GRIP1: variants seen among roughly 807,000 people sequenced by gnomAD.
GRIP1 encodes the protein glutamate receptor interacting protein 1.
In GRIP1, 45 loss-of-function variants were observed where a neutral mutation model predicts 129.9. The observed-to-expected ratio is 0.35, with a 90% CI of 0.27 to 0.44. GRIP1 has a LOEUF of 0.44. GRIP1 is among the 20% of genes least tolerant of loss of function. The pLI is 1.00. For missense variants in GRIP1, 1,196 were observed against 1,396.8 expected, an observed-to-expected ratio of 0.86 and a Z score of 2.29; for synonymous variants, 530 against 520.8, an observed-to-expected ratio of 1.02 and a Z score of -0.24.
chr12:67,060,113 G>A (rs748208448), intron 1 of GRIP1, among the ~76,000 whole-genome samples: 9 of 151,732 alleles, frequency 5.9e-5, no homozygotes, highest in South Asian at 2.1e-4. Flanking sequence ...ACCTAATACC[G>A]CCACCACTTT....
At chr12:66,839,075 C>T (rs921131928) in intron 1 of GRIP1, among the ~76,000 whole-genome samples, 4 of 151,876 alleles carry the variant, frequency 2.6e-5, no homozygotes, top group South Asian at 2.1e-4. Flanking sequence ...ATTATCATAG[C>T]GACTATAGCT....
chr12:66,648,626 G>C lies in GRIP1; in HGVS notation c.55+30224C>G, dbSNP rs563060692. Among the ~76,000 whole-genome samples, 4 of 152,316 alleles carry C rather than the reference G, an allele frequency of 2.6e-5. No homozygotes were observed. The South Asian group carries it at 8.3e-4, about 32-fold the overall frequency. On this transcript the variant is annotated intron_variant, in intron 1 of 24. Transcript: ENST00000359742. ...CAACAAAATAGGCAAATACAGTAAT[G>C]TATTCGAGTCACCAATTTAATCAGA...
At chr12:66,427,765 G>A (rs572654373) in intron 14 of GRIP1, among the ~76,000 whole-genome samples, 3 of 152,172 alleles carry the variant, frequency 2.0e-5, no homozygotes, top group African/African-American at 4.8e-5. Context: ...AGAGAGTCAC[G>A]CCTAAAGGCC....
intron 1 of GRIP1, among the ~76,000 whole-genome samples, chr12:67,035,879 C>T (rs2043087084): frequency 6.6e-6 from 1 of 152,072 alleles, no homozygotes; most frequent in South Asian, 2.1e-4. Context: ...TAGTGCTGTA[C>T]CTCCTTCCCA....
intron 11 of GRIP1, among the ~76,000 whole-genome samples, chr12:66,447,292 T>G (rs2058656919): frequency 6.6e-6 from 1 of 152,198 alleles, no homozygotes; most frequent in South Asian, 2.1e-4. Flanking sequence ...TACTTTATCC[T>G]CTATGGTAAT....
At chr12:66,663,323 G>GT (rs1235821415) in intron 1 of GRIP1, among the ~76,000 whole-genome samples, 1 of 152,266 alleles carries the variant, frequency 6.6e-6, no homozygotes, top group African/African-American at 2.4e-5. Flanking sequence ...ATGGGGGGAA[G>GT]GTACATTGTG....
chr12:66,759,186 CTCAAATTTTGACT>C (rs1047373245), intron 1 of GRIP1, among the ~76,000 whole-genome samples: 1 of 152,196 alleles, frequency 6.6e-6, no homozygotes, highest in African/African-American at 2.4e-5. Context: ...GTTCCCAAAA[CTCAAATTTTGACT>C]TCTGTGCACC....
At chr12:66,965,916 A>G (rs1340096045) in intron 1 of GRIP1, among the ~76,000 whole-genome samples, 1 of 152,180 alleles carries the variant, frequency 6.6e-6, no homozygotes, top group Non-Finnish European at 1.5e-5. Context: ...GTCTGCTTTC[A>G]AAGTAATGCC....
At chr12:66,588,367 C>G (rs957622899) in intron 2 of GRIP1, among the ~76,000 whole-genome samples, 2 of 152,024 alleles carry the variant, frequency 1.3e-5, no homozygotes, top group African/African-American at 4.8e-5. Context: ...ACTCATTAAC[C>G]CCCCTCTAAT....
chr12:66,515,705 C>A lies in GRIP1; in HGVS notation c.638G>T (p.Gly213Val). ...LLSVDGIRLL[G>V]TTHAEAMSIL... ...ACTCATGGCTTCAGCATGCGTAGTT[C>A]CAAGAAGCCGAATTCCATCCACACT... is the stretch of plus-strand genomic sequence containing the variant. The change falls in exon 7 of 25, where the codon GGA becomes GTA. Residue 213 changes from glycine to valine, a missense_variant. This residue lies in a region of GRIP1 where 508 missense variants were observed against 587.0 expected (regional missense o/e 0.87). Transcript: ENST00000359742. 1.9e-6 allele frequency: 3 copies of A among 1,613,510 alleles called. No individual in the cohort carries two copies. The highest frequency in any genetic ancestry group is 2.5e-6 in the Non-Finnish European group (3 of 1,179,464).
At chr12:66,588,246 T>C (rs1380684195) in intron 2 of GRIP1, among the ~76,000 whole-genome samples, 4 of 152,170 alleles carry the variant, frequency 2.6e-5, no homozygotes. Flanking sequence ...CATAAGTGTA[T>C]GGAACGAACT....
intron 1 of GRIP1, among the ~76,000 whole-genome samples, chr12:66,941,199 A>G (rs1264072695): frequency 6.6e-6 from 1 of 152,066 alleles, no homozygotes; most frequent in Non-Finnish European, 1.5e-5. Flanking sequence ...GTGGTTTAAG[A>G]GGCCCTGAGA....
chr12:66,952,584 A>ATCATT (rs1292191637), intron 1 of GRIP1, among the ~76,000 whole-genome samples: 1 of 152,192 alleles, frequency 6.6e-6, no homozygotes, highest in Non-Finnish European at 1.5e-5. Flanking sequence ...CTCCTTATTG[A>ATCATT]TCATATCACC....
At chr12:66,996,816 T>C (rs1182966901) in intron 1 of GRIP1, among the ~76,000 whole-genome samples, 1 of 152,156 alleles carries the variant, frequency 6.6e-6, no homozygotes, top group African/African-American at 2.4e-5. Flanking sequence ...ATCTACCTAC[T>C]GAAAGAAGTT....
chr12:66,893,182 CT>C (rs996369449), intron 1 of GRIP1, among the ~76,000 whole-genome samples: 3 of 150,828 alleles, frequency 2.0e-5, no homozygotes, highest in East Asian at 1.9e-4. Flanking sequence ...TTGGAATTGG[CT>C]TTTTTTTTCA....
At chr12:66,853,746 C>T (rs1468003138) in intron 1 of GRIP1, among the ~76,000 whole-genome samples, 1 of 152,052 alleles carries the variant, frequency 6.6e-6, no homozygotes. Flanking sequence ...GAACCCTTAG[C>T]AAATTAATAC....
chr12:67,020,038 C>T (rs1342902544), intron 1 of GRIP1, among the ~76,000 whole-genome samples: 1 of 152,094 alleles, frequency 6.6e-6, no homozygotes, highest in Non-Finnish European at 1.5e-5. Context: ...AAAATATGAA[C>T]CCCTCTAGAA....
chr12:66,945,909 C>G (rs749146043), intron 1 of GRIP1, among the ~76,000 whole-genome samples: 1 of 152,162 alleles, frequency 6.6e-6, no homozygotes, highest in Non-Finnish European at 1.5e-5. Context: ...TTTCCCACTT[C>G]TGCTAAATTC....
intron 1 of GRIP1, among the ~76,000 whole-genome samples, chr12:66,645,388 T>G (rs899830951): frequency 6.6e-6 from 1 of 151,968 alleles, no homozygotes; most frequent in East Asian, 1.9e-4. Flanking sequence ...ACCTTATACA[T>G]GCAACAATTT....
Sources: gnomAD v4.1 joint callset for allele counts (sites outside exome capture counted in the v4.1 genomes callset) on GRCh38, gnomAD v4.1.1 for gene constraint, gnomAD v4.1.1 regional missense constraint, MANE v1.5 for transcripts, NCBI Gene and HGNC (gene_info 2026-07-23, HGNC 2026-07-21) for gene names.